The following EXOC4 variants were observed in gnomAD, a reference collection of about 807,000 sequenced individuals.
The protein encoded by EXOC4 is SEC8-like 1.
Under a neutral mutation model 107.2 loss-of-function variants are expected in EXOC4, and 71 were observed. That is an observed-to-expected ratio of 0.66 (90% CI 0.55 to 0.81). The LOEUF (loss-of-function observed/expected upper bound fraction) is 0.81. EXOC4 is among the 30% of genes least tolerant of loss of function. The pLI is 0.00. For missense variants in EXOC4, 1,108 were observed against 1,189.6 expected (o/e 0.93, Z 1.01); for synonymous variants, 456 against 441.2 (o/e 1.03, Z -0.42).
At chr7:133,421,045 C>T (rs1797592720) in intron 7 of EXOC4, among the ~76,000 whole-genome samples, 1 of 151,814 alleles carries the variant, frequency 6.6e-6, no homozygotes, top group Non-Finnish European at 1.5e-5. Context: ...ACATGCTCTG[C>T]CCTAATAGCA....
At chr7:133,326,649 G>A (rs1480187212) in intron 5 of EXOC4, among the ~76,000 whole-genome samples, 1 of 152,186 alleles carries the variant, frequency 6.6e-6, no homozygotes, top group Non-Finnish European at 1.5e-5. Flanking sequence ...AGGCTACTCG[G>A]GGGTCAGGGA....
At chr7:133,978,432 T>G (rs1187606460) in intron 14 of EXOC4, among the ~76,000 whole-genome samples, 1 of 152,196 alleles carries the variant, frequency 6.6e-6, no homozygotes, top group Non-Finnish European at 1.5e-5. Context: ...TCTCACTACT[T>G]CCTGGTCCAG....
intron 10 of EXOC4, among the ~76,000 whole-genome samples, chr7:133,702,194 T>C (rs1252209234): frequency 2.0e-5 from 3 of 151,552 alleles, no homozygotes; most frequent in Non-Finnish European, 4.4e-5. Flanking sequence ...TAGCAAAATA[T>C]ATAACATACC....
intron 10 of EXOC4, 32 bp from the exon 11 acceptor site, chr7:133,817,293 A>G: frequency 6.7e-7 from 1 of 1,503,048 alleles, no homozygotes; most frequent in South Asian, 1.2e-5. Flanking sequence ...TTCCTCATAA[A>G]TTTAATAACC....
chr7:133,697,536 G>A (rs1794562996), intron 10 of EXOC4, among the ~76,000 whole-genome samples: 1 of 152,152 alleles, frequency 6.6e-6, no homozygotes, highest in Admixed American at 6.5e-5. Context: ...TTAATTAAAA[G>A]CAATGTTAAA....
intron 11 of EXOC4, among the ~76,000 whole-genome samples, chr7:133,834,385 C>G (rs1455562013): frequency 6.6e-6 from 1 of 152,098 alleles, no homozygotes; most frequent in Non-Finnish European, 1.5e-5. Context: ...TTAAAAAAAT[C>G]AAATGTTTAG....
intron 10 of EXOC4, among the ~76,000 whole-genome samples, chr7:133,748,026 C>T (rs1009773243): frequency 1.3e-5 from 2 of 152,180 alleles, no homozygotes; most frequent in African/African-American, 2.4e-5. Flanking sequence ...TAAACAGTCA[C>T]AAAGACTAGC....
intron 6 of EXOC4, among the ~76,000 whole-genome samples, chr7:133,372,617 A>G (rs767570167): frequency 6.6e-6 from 1 of 152,068 alleles, no homozygotes; most frequent in Non-Finnish European, 1.5e-5. Flanking sequence ...CAGGCAAGGT[A>G]TGCAGTTGTG....
At chr7:134,073,383 A>ATGCCGACTGCCC in the EXOC4 span, among the ~76,000 whole-genome samples, 126 of 151,654 alleles carry the variant, frequency 8.3e-4, no homozygotes, top group African/African-American at 3.0e-3. Flanking sequence ...CTCCCCACAC[A>ATGCCGACTGCCC]TGCCGACTGC....
chr7:134,092,680 A>G, the EXOC4 span, among the ~76,000 whole-genome samples: 1 of 152,170 alleles, frequency 6.6e-6, no homozygotes, highest in African/African-American at 2.4e-5. Context: ...CGTTACCACT[A>G]TACTAGCCTT....
chr7:133,302,021 A>G (rs1794651832), intron 3 of EXOC4, among the ~76,000 whole-genome samples: 1 of 152,166 alleles, frequency 6.6e-6, no homozygotes, highest in South Asian at 2.1e-4. Context: ...AGAAAATTTA[A>G]GGGTATGGTG....
intron 9 of EXOC4, among the ~76,000 whole-genome samples, chr7:133,496,829 GT>G (rs1799486961): frequency 6.6e-6 from 1 of 152,054 alleles, no homozygotes; most frequent in African/African-American, 2.4e-5. Context: ...CTCGGGGTTA[GT>G]TTTTTATATG....
intron 9 of EXOC4, among the ~76,000 whole-genome samples, chr7:133,481,399 G>C (rs1194893811): frequency 7.1e-6 from 1 of 140,068 alleles, no homozygotes; most frequent in African/African-American, 2.7e-5. Flanking sequence ...TTACTGTCTT[G>C]ATGCGTTGGG....
At chr7:133,614,789 CAAAAAAAAAAAA>C (rs35947572) in intron 9 of EXOC4, among the ~76,000 whole-genome samples, 2 of 61,680 alleles carry the variant, frequency 3.2e-5, no homozygotes, top group East Asian at 5.8e-4. Context: ...GTACATATGG[CAAAAAAAAAAAA>C]AAAAAAAAAA....
intron 5 of EXOC4, among the ~76,000 whole-genome samples, chr7:133,334,352 C>CT (rs1795462091): frequency 6.6e-6 from 1 of 152,178 alleles, no homozygotes; most frequent in African/African-American, 2.4e-5. Context: ...TTAAATATAT[C>CT]TTTTCTTAAA....
At chr7:134,099,656 A>G in the EXOC4 span, among the ~76,000 whole-genome samples, 1 of 146,734 alleles carries the variant, frequency 6.8e-6, no homozygotes, top group Admixed American at 7.1e-5. Flanking sequence ...TCAGCCTCCC[A>G]TGTAGCTGGG....
chr7:133,926,581 T>C (rs931526661), intron 13 of EXOC4, among the ~76,000 whole-genome samples: 2 of 152,170 alleles, frequency 1.3e-5, no homozygotes, highest in African/African-American at 4.8e-5. Context: ...CTATTGAATA[T>C]AGGTGCTTTA....
the EXOC4 span, among the ~76,000 whole-genome samples, chr7:134,095,492 T>A: frequency 2.0e-5 from 3 of 151,926 alleles, no homozygotes; most frequent in East Asian, 5.8e-4. Context: ...TATGGAACCA[T>A]AAAAGAGCCC....
intron 10 of EXOC4, among the ~76,000 whole-genome samples, chr7:133,631,906 A>G (rs891153760): frequency 3.3e-5 from 5 of 152,098 alleles, no homozygotes; most frequent in Admixed American, 6.5e-5. Context: ...ATTTAATGCC[A>G]TAATTTGCTG....
Sources: allele counts gnomAD v4.1 joint callset (sites outside exome capture counted in the v4.1 genomes callset), GRCh38; gene constraint gnomAD v4.1.1; transcripts MANE v1.5; gene names NCBI Gene and HGNC (gene_info 2026-07-23, HGNC 2026-07-21).